The following PCNX3 variants were observed in gnomAD, a reference collection of about 807,000 sequenced individuals.
PCNX3 encodes the protein pecanex-like protein 3.
Under a neutral mutation model 207.2 loss-of-function variants are expected in PCNX3, and 58 were observed. That is an observed-to-expected ratio of 0.28 (90% confidence interval 0.23 to 0.35). The LOEUF is 0.35. PCNX3 is among the 10% of genes least tolerant of loss of function. The pLI is 1.00. For missense variants in PCNX3, 2,410 were observed against 2,774.4 expected (o/e 0.87, Z 2.95); for synonymous variants, 1,337 against 1,183.5 (o/e 1.13, Z -2.66).
chr11:65,634,824 T>A (rs1410532343), intron 29 of PCNX3, 149 bp from the exon 30 acceptor site: 1 of 1,274,632 alleles, frequency 7.8e-7, no homozygotes, highest in Non-Finnish European at 1.1e-6. Flanking sequence ...CAGTGCTCTG[T>A]GAGAGACATG....
At chr11:65,622,079 A>G (rs1440521413) in intron 10 of PCNX3, 166 bp from the exon 11 acceptor site, 1 of 830,852 alleles carries the variant, frequency 1.2e-6, no homozygotes, top group East Asian at 1.2e-4. Context: ...GGTGGGGTCC[A>G]GGGCCGCTAG....
At position 65,626,052 on chromosome 11, in the gene PCNX3, G is replaced by A. The variant is rs748542767; in HGVS notation, c.3377G>A (p.Arg1126His). Residue 1126 changes from arginine to histidine, a missense_variant and splice_region_variant, in exon 20 of 35, where the codon CGC becomes CAC. Transcript: ENST00000355703. ...CTGGAGTACAGCCAGTATGAAGTGC[G>A]CGGTGAGTGCCCACCCCTGATGGCC... The part of the protein sequence containing the change: ...KPLEYSQYEV[R>H]GAAQVMWFEK... The A allele has an allele frequency of 1.6e-5, 26 of 1,600,210 alleles. No individual in the cohort carries two copies. The highest frequency in any genetic ancestry group is 2.0e-5 in the Non-Finnish European group (23 of 1,174,274).
intron 20 of PCNX3, 36 bp downstream of exon 20, chr11:65,626,090 T>C (rs1002928809): frequency 8.3e-6 from 13 of 1,561,864 alleles, no homozygotes; most frequent in Non-Finnish European, 1.0e-5. Context: ...GCCTGGGCAG[T>C]GGCTCGGGCT....
In PCNX3 at chr11:65,624,192, C is replaced by T; in HGVS notation, c.2545-3C>T. The T allele has an allele frequency of 6.2e-7, 1 of 1,602,014 alleles. No individual in the cohort carries two copies. The highest frequency in any genetic ancestry group is 8.5e-7 in the Non-Finnish European group (1 of 1,176,106). ...CCCAGCTCCTCATGGGCTGACCCCT[C>T]AGGGCCACAACTGGGTGATCGCGTA... On this transcript the variant is annotated splice_region_variant and splice_polypyrimidine_tract_variant and intron_variant, in intron 13 of 34. Transcript: ENST00000355703.
intron 22 of PCNX3, among the ~76,000 whole-genome samples, chr11:65,627,908 C>G (rs979398048): frequency 6.6e-5 from 10 of 152,178 alleles, no homozygotes; most frequent in Non-Finnish European, 1.2e-4. Context: ...GGACGCAGAC[C>G]TCTGAGTTCC....
chr11:65,634,627 C>A lies in PCNX3; in HGVS notation c.4791C>A (p.His1597Gln), dbSNP rs1472731286. Residue 1597 changes from histidine to glutamine, a missense_variant, in exon 29 of 35, where the codon CAC becomes CAA. Physicochemically the swap from His to Gln is conservative, Grantham distance 24 (BLOSUM62 0). Around this residue, in one of 8 missense-constraint regions of PCNX3, gnomAD observed 420 missense variants for 705.3 expected, o/e 0.60. Coordinates refer to ENST00000355703, the MANE Select transcript of PCNX3 (RefSeq NM_032223.4). Reference sequence around the variant, plus strand: ...GCCGGGCCCTGGGGACAGCCTCTCACAGCATGTCTGCAAGGTGAGTGCTCG... The same window carrying A: ...GCCGGGCCCTGGGGACAGCCTCTCAAAGCATGTCTGCAAGGTGAGTGCTCG... ...LGRRALGTASHSMSASLEPFL... is the reference protein window; with the variant it reads ...LGRRALGTASQSMSASLEPFL... The A allele has an allele frequency of 6.3e-7, 1 of 1,598,420 alleles. No individual in the cohort carries two copies. Among genetic ancestry groups the A allele is most frequent in the Non-Finnish European group, 8.5e-7 (1 of 1,177,578 alleles).
Position 65,618,056 on chromosome 11 carries a change from A to G in PCNX3, c.694A>G (p.Met232Val). Residue 232 changes from methionine to valine, a missense_variant, in exon 6 of 35, where the codon ATG becomes GTG. Met to Val is a conservative substitution (Grantham distance 21, BLOSUM62 1). This residue lies in a region of PCNX3 where 1,104 missense variants were observed against 970.3 expected (regional missense o/e 1.14). Coordinates refer to ENST00000355703, the MANE Select transcript of PCNX3 (RefSeq NM_032223.4). ...GDGAPWSGSSMADTPMSPLLK... is the reference protein window; with the variant it reads ...GDGAPWSGSSVADTPMSPLLK... Reference sequence around the variant, plus strand: ...TGGAGCGCCCTGGAGTGGGAGCAGCATGGCTGACACTCCCATGAGCCCCCT... The same window carrying G: ...TGGAGCGCCCTGGAGTGGGAGCAGCGTGGCTGACACTCCCATGAGCCCCCT... 1 of 1,606,970 alleles carries G rather than the reference A, an allele frequency of 6.2e-7. No homozygotes were observed. Among genetic ancestry groups the G allele is most frequent in the Non-Finnish European group, 8.5e-7 (1 of 1,177,254 alleles).
rs1855617954 is a variant in PCNX3 at position 65,631,583 on chromosome 11, T to TG, written c.4470+982dup. Reference sequence around the variant, plus strand: ...CTGAGACAGGAGAATCACTTGAACCTGGGAGGCAGAGGTTGCAGCCAGCCG... The same window carrying TG: ...CTGAGACAGGAGAATCACTTGAACCTGGGGAGGCAGAGGTTGCAGCCAGCCG... On this transcript the variant is annotated intron_variant, in intron 27 of 34. Transcript: ENST00000355703. 4.6e-5 allele frequency among the ~76,000 whole-genome samples: 7 copies of TG among 152,008 alleles called. 1 individual carries two copies. The South Asian group carries it at 1.5e-3, about 32-fold the overall frequency.
rs750437447 is a variant in PCNX3, at chr11:65,626,898, A to G, written c.3380-6A>G. 9.5e-6 allele frequency: 15 copies of G among 1,582,510 alleles called. No homozygotes were observed. The highest frequency in any genetic ancestry group is 1.8e-5 in the Admixed American group (1 of 55,462). On this transcript the variant is annotated splice_region_variant and splice_polypyrimidine_tract_variant and intron_variant, in intron 20 of 34. Transcript: ENST00000355703. ...CCAGGTGCAGAGTCCTGGCCTCTCCACACAGGTGCCGCCCAGGTGATGTGG... is the reference window on the plus strand; with the variant it reads ...CCAGGTGCAGAGTCCTGGCCTCTCCGCACAGGTGCCGCCCAGGTGATGTGG...
intron 20 of PCNX3, 119 bp downstream of exon 20, chr11:65,626,173 AC>A: frequency 7.4e-7 from 1 of 1,345,078 alleles, no homozygotes; most frequent in Non-Finnish European, 1.0e-6. Flanking sequence ...TGCCCACACT[AC>A]CCTTTCTGCT....
rs1403894228 is a variant in PCNX3 at position 65,636,323 on chromosome 11, T to C, written c.5593+16T>C. The C allele has an allele frequency of 1.2e-6, 2 of 1,611,034 alleles. No homozygotes were observed. The highest frequency in any genetic ancestry group is 8.5e-7 in the Non-Finnish European group (1 of 1,178,416). Reference sequence around the variant, plus strand: ...AACACGGCAGGTGAGCAGGCGAGGCTGGGCTGAACCCGTGGGTGAGGAGTG... The same window carrying C: ...AACACGGCAGGTGAGCAGGCGAGGCCGGGCTGAACCCGTGGGTGAGGAGTG... On this transcript the variant is annotated intron_variant, in intron 33 of 34. Coordinates refer to ENST00000355703, the MANE Select transcript of PCNX3 (RefSeq NM_032223.4).
rs768507388 is a variant in PCNX3, at chr11:65,628,798, G to A, written c.3812-21G>A. 2.0e-5 allele frequency: 32 copies of A among 1,609,484 alleles called. No homozygotes were observed. The African/African-American group carries it at 2.5e-4, about 13-fold the overall frequency. On this transcript the variant is annotated intron_variant, in intron 23 of 34. Transcript: ENST00000355703. ...GGGCTGGGAGGTCCTGTTGCCCGCC[G>A]CCTCCTTGACTGTGGCTCAGACTCG...
chr11:65,617,104 C>G, intron 2 of PCNX3, 93 bp downstream of exon 2: 2 of 1,415,558 alleles, frequency 1.4e-6, no homozygotes, highest in East Asian at 2.5e-5. Context: ...GGAACATTGG[C>G]TCTCTGAGTG....
At position 65,636,557 on chromosome 11, in the gene PCNX3, GC is replaced by G; in HGVS notation, c.5765del (p.Pro1922LeufsTer46). The G allele has an allele frequency of 2.5e-6, 4 of 1,594,238 alleles. No homozygotes were observed. The highest frequency in any genetic ancestry group is 1.8e-5 in the Admixed American group (1 of 55,226). Reference sequence around the variant, plus strand: ...CCACAGAGGGTCCCCGGACCTCACGGCCCCCTGGCCCGGGTCTCCTCAGTTC... The same window carrying G: ...CCACAGAGGGTCCCCGGACCTCACGGCCCCTGGCCCGGGTCTCCTCAGTTC... ...IPTEGPRTSR[P>X]PGPGLLSSEG... On this transcript the variant is annotated frameshift_variant, in exon 34 of 35. Coordinates refer to ENST00000355703, the MANE Select transcript of PCNX3 (RefSeq NM_032223.4). LOFTEE classifies it high-confidence loss of function.
At chr11:65,626,416 A>G (rs975135700) in intron 20 of PCNX3, 2 of 432,968 alleles carry the variant, frequency 4.6e-6, no homozygotes, top group Middle Eastern at 7.0e-4. Context: ...ACTGGGCTGC[A>G]TAATGGTTTT....
chr11:65,625,135 C>G lies in PCNX3; in HGVS notation c.2920-36C>G. ...GGGGCAGCCCGGGCCCCATGCTTACCTCACCTCCCCTGACCAGCATGGATT... is the reference window on the plus strand; with the variant it reads ...GGGGCAGCCCGGGCCCCATGCTTACGTCACCTCCCCTGACCAGCATGGATT... On this transcript the variant is annotated intron_variant, in intron 16 of 34. Transcript: ENST00000355703. The surrounding 1 kb of genome is among the most constrained non-coding windows in gnomAD (Gnocchi z 5.6). 1 of 1,573,002 alleles carries G rather than the reference C, an allele frequency of 6.4e-7. No individual in the cohort carries two copies. The highest frequency in any genetic ancestry group is 8.7e-7 in the Non-Finnish European group (1 of 1,153,100).
chr11:65,619,864 A>G lies in PCNX3; in HGVS notation c.1940A>G (p.Asn647Ser), dbSNP rs752286632. 15 of 1,611,224 alleles carry G rather than the reference A, an allele frequency of 9.3e-6. No homozygotes were observed. Among genetic ancestry groups the G allele is most frequent in the Middle Eastern group, 1.7e-4 (1 of 6,060 alleles). ...SSLLLTRAGANVHEACTFDDT... is the reference protein window; with the variant it reads ...SSLLLTRAGASVHEACTFDDT... ...CTGTTGCTCACCCGGGCCGGTGCCAATGTGCATGAGGCCTGCACCTTTGAT... is the reference window on the plus strand; with the variant it reads ...CTGTTGCTCACCCGGGCCGGTGCCAGTGTGCATGAGGCCTGCACCTTTGAT... Residue 647 changes from asparagine to serine, a missense_variant, in exon 8 of 35, where the codon AAT (asparagine) becomes AGT (serine). By Grantham distance (46) the Asn-to-Ser change is conservative. This residue lies in a region of PCNX3 where 1,104 missense variants were observed against 970.3 expected (regional missense o/e 1.14). Transcript: ENST00000355703.
In PCNX3 at chr11:65,635,079, G is replaced by A. The variant is rs547456802; in HGVS notation, c.4912G>A (p.Val1638Ile). The change falls in exon 30 of 35, where the codon GTT becomes ATT. Residue 1638 changes from valine to isoleucine, a missense_variant. By Grantham distance (29) the Val-to-Ile change is conservative. Around this residue, in one of 8 missense-constraint regions of PCNX3, gnomAD observed 420 missense variants for 705.3 expected, o/e 0.60. Coordinates refer to ENST00000355703, the MANE Select transcript of PCNX3 (RefSeq NM_032223.4). The surrounding 1 kb of genome is among the most constrained non-coding windows in gnomAD (Gnocchi z 9.9). ...VFADMDLLHR[V>I]VAPGVRMALK... ...TGCCGACATGGACCTGCTTCACCGC[G>A]TTGTGGCGCCTGGGGTTCGCATGGC... 1.1e-5 allele frequency: 17 copies of A among 1,613,756 alleles called. No homozygotes were observed. Among genetic ancestry groups the A allele is most frequent in the African/African-American group, 4.0e-5 (3 of 75,006 alleles).
chr11:65,628,690 G>A lies in PCNX3; in HGVS notation c.3798G>A (p.Pro1266=), dbSNP rs769411810. The change falls in exon 23 of 35, where the codon CCG becomes CCA. Residue 1266 remains proline (P), a synonymous_variant. Transcript: ENST00000355703. Reference sequence around the variant, plus strand: ...CGGCTTTCCACGCTTTTGCCCAGCCGTTTGCCGTGCCACGTATCCAGCCTG... The same window carrying A: ...CGGCTTTCCACGCTTTTGCCCAGCCATTTGCCGTGCCACGTATCCAGCCTG... The part of the protein sequence containing the change: ...WGSAFHAFAQ[P]FAVPHSAMLF... 14 of 1,585,892 alleles carry A rather than the reference G, an allele frequency of 8.8e-6. No individual in the cohort carries two copies. In the East Asian group the frequency reaches 1.2e-4, roughly 13 times the overall value.
Sources: gnomAD v4.1 joint callset for allele counts (sites outside exome capture counted in the v4.1 genomes callset) on GRCh38, gnomAD v4.1.1 for gene constraint, gnomAD v4.1.1 regional missense constraint, Gnocchi (gnomAD v3.1) non-coding constraint, MANE v1.5 for transcripts, NCBI Gene and HGNC (gene_info 2026-07-23, HGNC 2026-07-21) for gene names.